The following GRK7 variants were observed in gnomAD, a reference collection of about 807,000 sequenced individuals.
GRK7 encodes the protein rhodopsin kinase GRK7.
A neutral mutation model predicts 34.1 loss-of-function variants in GRK7; 24 were observed. That is an observed-to-expected ratio of 0.70 (90% CI 0.51 to 0.99). GRK7 has a LOEUF of 0.99. Among genes scored for constraint, GRK7 ranks in the 50% least tolerant of loss-of-function variants. The pLI, the probability that GRK7 is intolerant of heterozygous loss-of-function variation, is 0.00. For synonymous variants in GRK7, 256 were observed against 279.4 expected, an observed-to-expected ratio of 0.92 and a Z score of 0.84; for missense variants, 644 against 707.3, an observed-to-expected ratio of 0.91 and a Z score of 1.02.
intron 2 of GRK7, among the ~76,000 whole-genome samples, chr3:141,776,415 C>T (rs1384333429): frequency 8.5e-5 from 13 of 152,224 alleles, no homozygotes; most frequent in Non-Finnish European, 1.5e-5. Context: ...CGGGAAAAGG[C>T]ATTTGCTCCT....
At chr3:141,801,133 A>AC (rs1710957270) in intron 4 of GRK7, among the ~76,000 whole-genome samples, 1 of 151,870 alleles carries the variant, frequency 6.6e-6, no homozygotes, top group African/African-American at 2.4e-5. Context: ...ACAGGGTGAA[A>AC]CCCCGTCTCT....
chr3:141,775,636 A>C (rs1469364004), intron 2 of GRK7, among the ~76,000 whole-genome samples: 1 of 152,120 alleles, frequency 6.6e-6, no homozygotes, highest in Non-Finnish European at 1.5e-5. Flanking sequence ...TTGTAAGTGT[A>C]ATGTACAAAC....
At chr3:141,775,852 T>C (rs1216818814) in intron 2 of GRK7, among the ~76,000 whole-genome samples, 1 of 152,144 alleles carries the variant, frequency 6.6e-6, no homozygotes, top group Non-Finnish European at 1.5e-5. Context: ...TGTGGCTTCA[T>C]ATTTTCTACT....
chr3:141,813,273 G>C (rs1175508332), intron 5 of GRK7, among the ~76,000 whole-genome samples: 1 of 152,048 alleles, frequency 6.6e-6, no homozygotes, highest in East Asian at 1.9e-4. Context: ...TTATAGGCAT[G>C]TGCCACCACG....
chr3:141,791,963 C>T (rs963504173), intron 4 of GRK7, among the ~76,000 whole-genome samples: 2 of 148,372 alleles, frequency 1.3e-5, no homozygotes, highest in Non-Finnish European at 3.0e-5. Context: ...GAAATCATGC[C>T]ATTGCACTCC....
In GRK7 at chr3:141,764,108, G is replaced by A. The variant is rs936827933; in HGVS notation, c.-1845G>A. On this transcript the variant is annotated 5_prime_UTR_variant, in exon 1 of 6. Transcript: ENST00000682958. ...TGCAGCCCCACAAATCACTCGCTGAGTTGCTAGCTCCCAGCTCTCCATCAC... is the reference window on the plus strand; with the variant it reads ...TGCAGCCCCACAAATCACTCGCTGAATTGCTAGCTCCCAGCTCTCCATCAC... 6.6e-6 allele frequency among the ~76,000 whole-genome samples: 1 copy of A among 152,126 alleles called. No homozygotes were observed. Among genetic ancestry groups the A allele is most frequent in the Non-Finnish European group, 1.5e-5 (1 of 68,040 alleles).
Position 141,778,443 on chromosome 3 carries a change from C to T in GRK7, c.159C>T (p.Ser53=). 1 of 1,613,082 alleles carries T rather than the reference C, an allele frequency of 6.2e-7. No individual in the cohort carries two copies. Among genetic ancestry groups the T allele is most frequent in the Non-Finnish European group, 8.5e-7 (1 of 1,179,894 alleles). The part of the protein sequence containing the change: ...QGCAELRQKL[S]LNFHSLCEQQ... The stretch of plus-strand genomic sequence containing the variant: ...GCGCGGAGCTCCGCCAGAAGCTGTC[C>T]CTGAACTTCCACAGCCTGTGTGAGC... Residue 53 remains serine, a synonymous_variant, in exon 3 of 6, where the codon TCC becomes TCT. Transcript: ENST00000682958. The surrounding 1 kb of genome is among the most constrained non-coding windows in gnomAD (Gnocchi z 4.1).
At chr3:141,793,202 A>G (rs2084733605) in intron 4 of GRK7, among the ~76,000 whole-genome samples, 1 of 152,222 alleles carries the variant, frequency 6.6e-6, no homozygotes, top group African/African-American at 2.4e-5. Flanking sequence ...GAACCCAAAG[A>G]GAGGTTTGTG....
chr3:141,817,248 C>A lies in GRK7; in HGVS notation c.*198C>A. 1 of 491,824 alleles carries A rather than the reference C, an allele frequency of 2.0e-6. No homozygotes were observed. The highest frequency in any genetic ancestry group is 3.6e-6 in the Non-Finnish European group (1 of 281,412). 30.5% of individuals were successfully genotyped at this position (491,824 alleles called of 1,614,324 possible). On this transcript the variant is annotated 3_prime_UTR_variant, in exon 6 of 6. Transcript: ENST00000682958. Reference sequence around the variant, plus strand: ...CTTTCTTCATAAAGATGAGTAAAGTCTCAGTTTTCACTGAGGGCAGGGAAA... The same window carrying A: ...CTTTCTTCATAAAGATGAGTAAAGTATCAGTTTTCACTGAGGGCAGGGAAA...
rs1390512775 is a variant in GRK7 at position 141,780,629 on chromosome 3, A to T, written c.868A>T (p.Met290Leu). ...CAACGTGGGCACGCGTGGCCTGGAC[A>T]TGAGCCGGGTGATCTTTTACTCGGC... ...IYNVGTRGLD[M>L]SRVIFYSAQI... The change falls in exon 4 of 6, where the codon ATG (methionine) becomes TTG (leucine). Residue 290 changes from methionine (M) to leucine (L), a missense_variant. Physicochemically the swap from Met to Leu is conservative, Grantham distance 15 (BLOSUM62 2). Coordinates refer to ENST00000682958, the MANE Select transcript of GRK7 (RefSeq NM_139209.3). The T allele has an allele frequency of 6.2e-7, 1 of 1,614,108 alleles. No individual in the cohort carries two copies. Among genetic ancestry groups the T allele is most frequent in the African/African-American group, 1.3e-5 (1 of 74,948 alleles).
intron 4 of GRK7, among the ~76,000 whole-genome samples, chr3:141,784,796 G>T (rs1484064438): frequency 6.6e-6 from 1 of 152,228 alleles, no homozygotes; most frequent in Non-Finnish European, 1.5e-5. Flanking sequence ...ATGTGGCAGT[G>T]TTGGAGAGGT....
chr3:141,777,497 T>TTTTTTTTTA (rs1267678021), intron 2 of GRK7, among the ~76,000 whole-genome samples: 2 of 131,476 alleles, frequency 1.5e-5, no homozygotes, highest in East Asian at 2.1e-4. Context: ...GCTAATTTTT[T>TTTTTTTTTA]TTTTTTTTTG....
chr3:141,755,753 A>G, the GRK7 span, among the ~76,000 whole-genome samples: 2 of 152,206 alleles, frequency 1.3e-5, no homozygotes, highest in East Asian at 3.8e-4. Context: ...AATATGGAAT[A>G]ACCACTTTGG....
rs2084577928 is a variant in GRK7 at position 141,765,743 on chromosome 3, GACCA to G, written c.-215+6_-215+9del. ...CAACCATAAGAGTGAGTCCAGGTGA[GACCA>G]GCAAAGAGCTGCCCAATCAAAGCAA... On this transcript the variant is annotated splice_donor_region_variant and intron_variant, in intron 1 of 5. Coordinates refer to ENST00000682958, the MANE Select transcript of GRK7 (RefSeq NM_139209.3). Among the ~76,000 whole-genome samples, 2 of 152,178 alleles carry G rather than the reference GACCA, an allele frequency of 1.3e-5. No individual in the cohort carries two copies. Among genetic ancestry groups the G allele is most frequent in the Non-Finnish European group, 2.9e-5 (2 of 68,042 alleles).
At position 141,778,476 on chromosome 3, in the gene GRK7, C is replaced by A; in HGVS notation, c.192C>A (p.Pro64=). 1 of 1,613,128 alleles carries A rather than the reference C, an allele frequency of 6.2e-7. No homozygotes were observed. The highest frequency in any genetic ancestry group is 1.3e-5 in the African/African-American group (1 of 75,076). The stretch of plus-strand genomic sequence containing the variant: ...TCCACAGCCTGTGTGAGCAGCAGCC[C>A]ATCGGTCGCCGCCTCTTCCGTGACT... ...LNFHSLCEQQ[P]IGRRLFRDFL... Residue 64 remains proline (P), a synonymous_variant, in exon 3 of 6, where the codon CCC becomes CCA. Transcript: ENST00000682958. This position sits in a 1 kb window ranked among gnomAD's most constrained non-coding sequence, Gnocchi z 4.1.
At chr3:141,785,260 T>C (rs1174742389) in intron 4 of GRK7, among the ~76,000 whole-genome samples, 2 of 152,212 alleles carry the variant, frequency 1.3e-5, no homozygotes, top group Non-Finnish European at 2.9e-5. Context: ...TATTTAGTCT[T>C]GTATAAGTTG....
At chr3:141,762,277 G>A (rs1489622521), upstream of GRK7, among the ~76,000 whole-genome samples, 2 of 151,978 alleles carry the variant, frequency 1.3e-5, no homozygotes, top group Non-Finnish European at 2.9e-5. Flanking sequence ...TGATGGTGAT[G>A]TACAGATGGG....
chr3:141,799,097 G>A (rs1710923333), intron 4 of GRK7, among the ~76,000 whole-genome samples: 1 of 152,152 alleles, frequency 6.6e-6, no homozygotes, highest in South Asian at 2.1e-4. Flanking sequence ...TGGAGCAGCC[G>A]AGCCAGCCTG....
intron 5 of GRK7, among the ~76,000 whole-genome samples, chr3:141,814,092 C>G (rs1482239918): frequency 6.6e-6 from 1 of 152,132 alleles, no homozygotes; most frequent in Non-Finnish European, 1.5e-5. Flanking sequence ...GGGGCAAGCT[C>G]TCAATCCTTT....
Sources: allele counts gnomAD v4.1 joint callset (sites outside exome capture counted in the v4.1 genomes callset), GRCh38; gene constraint gnomAD v4.1.1; non-coding constraint Gnocchi (gnomAD v3.1); transcripts MANE v1.5; gene names NCBI Gene and HGNC (gene_info 2026-07-23, HGNC 2026-07-21).